ITGB5: variants seen among roughly 807,000 people sequenced by gnomAD.
ITGB5 encodes integrin subunit beta 5, also known as integrin beta-5.
A neutral mutation model predicts 84.8 loss-of-function variants in ITGB5; 38 were observed. The ratio of observed to expected loss-of-function variants is 0.45; its 90% confidence interval spans 0.35 to 0.59. The LOEUF is 0.59. Among genes scored for constraint, ITGB5 ranks in the 20% least tolerant of loss-of-function variants. The pLI is 0.01. For missense variants in ITGB5, 905 were observed against 1,034.5 expected (o/e 0.87, Z 1.72); for synonymous variants, 393 against 414.4 (o/e 0.95, Z 0.63).
intron 6 of ITGB5, 83 bp from the exon 7 acceptor site, chr3:124,819,917 C>A (rs12490538): frequency 0.18 from 181,600 of 983,166 alleles, 17,929 homozygotes; most frequent in Admixed American, 0.3. Flanking sequence ...CAGTCAGCAG[C>A]CAGCATTTGC....
chr3:124,773,400 A>C (rs530897639), intron 11 of ITGB5, among the ~76,000 whole-genome samples: 7 of 152,334 alleles, frequency 4.6e-5, no homozygotes, highest in African/African-American at 1.4e-4. Flanking sequence ...ACACCAATTT[A>C]ATTTCATTTA....
chr3:124,900,280 C>T (rs898106213), intron 1 of ITGB5, among the ~76,000 whole-genome samples: 1 of 152,104 alleles, frequency 6.6e-6, no homozygotes, highest in Admixed American at 6.5e-5. Context: ...CCTCTATTTC[C>T]CCTACTATTG....
At chr3:124,850,047 C>T (rs750413211) in intron 3 of ITGB5, among the ~76,000 whole-genome samples, 9 of 152,118 alleles carry the variant, frequency 5.9e-5, no homozygotes, top group Admixed American at 2.0e-4. Flanking sequence ...AGCGGGTCTA[C>T]ACCTGACTTG....
intron 1 of ITGB5, among the ~76,000 whole-genome samples, chr3:124,883,039 C>A (rs554306899): frequency 6.6e-6 from 1 of 152,172 alleles, no homozygotes; most frequent in Admixed American, 6.5e-5. Context: ...AAACAAACCA[C>A]GGCAGTCAGT....
chr3:124,841,234 G>A, intron 5 of ITGB5, 149 bp downstream of exon 5: 1 of 687,120 alleles, frequency 1.5e-6, no homozygotes, highest in Non-Finnish European at 2.4e-6. Flanking sequence ...AGATTTCCCA[G>A]AAGTTCCACT....
chr3:124,895,508 G>T (rs902196876), intron 1 of ITGB5, among the ~76,000 whole-genome samples: 1 of 152,226 alleles, frequency 6.6e-6, no homozygotes, highest in Non-Finnish European at 1.5e-5. Context: ...TTACAGGCAT[G>T]AACCATCATG....
At chr3:124,840,825 G>A (rs1212590804) in intron 5 of ITGB5, among the ~76,000 whole-genome samples, 2 of 151,988 alleles carry the variant, frequency 1.3e-5, no homozygotes, top group South Asian at 2.1e-4. Flanking sequence ...CACCATGCCC[G>A]GCTAATTTTT....
chr3:124,861,231 G>A (rs1349810231), intron 2 of ITGB5, among the ~76,000 whole-genome samples: 3 of 151,582 alleles, frequency 2.0e-5, no homozygotes, highest in African/African-American at 4.9e-5. Flanking sequence ...TTAAATCCCC[G>A]AGGATCTTGC....
chr3:124,777,012 G>C (rs1399240826), intron 10 of ITGB5, among the ~76,000 whole-genome samples: 2 of 152,338 alleles, frequency 1.3e-5, no homozygotes, highest in East Asian at 3.9e-4. Flanking sequence ...CTGGGGGGCA[G>C]GGAAGCCTAG....
chr3:124,847,705 G>A (rs2065096484), intron 4 of ITGB5, among the ~76,000 whole-genome samples: 2 of 152,108 alleles, frequency 1.3e-5, no homozygotes, highest in African/African-American at 2.4e-5. Context: ...TTGAGGAGCA[G>A]GAAATAAACT....
intron 1 of ITGB5, among the ~76,000 whole-genome samples, chr3:124,886,382 C>G (rs1315828397): frequency 6.6e-6 from 1 of 152,094 alleles, no homozygotes. Flanking sequence ...CAAAGGCAGG[C>G]GGCTAGCCTA....
At chr3:124,846,513 C>A (rs562147249) in intron 4 of ITGB5, among the ~76,000 whole-genome samples, 4 of 151,946 alleles carry the variant, frequency 2.6e-5, no homozygotes, top group African/African-American at 9.6e-5. Flanking sequence ...GCATAACCTA[C>A]CATGATCCTC....
intron 10 of ITGB5, among the ~76,000 whole-genome samples, chr3:124,787,018 C>G (rs1487320139): frequency 2.6e-5 from 4 of 152,140 alleles, no homozygotes; most frequent in Non-Finnish European, 5.9e-5. Flanking sequence ...ACACCTCAAG[C>G]CTACATGACT....
intron 2 of ITGB5, among the ~76,000 whole-genome samples, chr3:124,860,113 G>C (rs143238259): frequency 1.3e-5 from 2 of 152,172 alleles, no homozygotes; most frequent in African/African-American, 2.4e-5. Flanking sequence ...CACTGACCCA[G>C]TGCTCTACTC....
intron 9 of ITGB5, among the ~76,000 whole-genome samples, chr3:124,802,528 C>T (rs377435312): frequency 6.6e-6 from 1 of 152,238 alleles, no homozygotes; most frequent in South Asian, 2.1e-4. Context: ...CTCAACTCCC[C>T]GTGCCAGGGC....
chr3:124,814,527 A>G (rs1354077532), intron 8 of ITGB5, among the ~76,000 whole-genome samples: 1 of 150,504 alleles, frequency 6.6e-6, no homozygotes, highest in Non-Finnish European at 1.5e-5. Flanking sequence ...CCCAGGCTAG[A>G]GCACAGTGAT....
At chr3:124,800,254 T>A (rs1449203094) in intron 9 of ITGB5, among the ~76,000 whole-genome samples, 1 of 152,176 alleles carries the variant, frequency 6.6e-6, no homozygotes, top group Non-Finnish European at 1.5e-5. Context: ...TACAGAGGAA[T>A]GACCTGGACC....
chr3:124,900,058 A>C (rs1245537640), intron 1 of ITGB5, among the ~76,000 whole-genome samples: 1 of 151,928 alleles, frequency 6.6e-6, no homozygotes, highest in Admixed American at 6.6e-5. Context: ...TTCATCCACC[A>C]CTCTATTTGC....
At position 124,806,424 on chromosome 3, in the gene ITGB5, ATTTTTTTTTTT is replaced by A. The variant is rs71145488; in HGVS notation, c.1263+2587_1263+2597del. ...TTTTTTGGTATTTCTGCCTCATTCC[ATTTTTTTTTTT>A]TTTTTTTTTTTTTTTTGAGACTGAG... On this transcript the variant is annotated intron_variant, in intron 9 of 14. Transcript: ENST00000296181. Among the ~76,000 whole-genome samples the A allele has an allele frequency of 9.6e-5, 7 of 72,792 alleles. No homozygotes were observed. The South Asian group carries it at 2.7e-3, about 28-fold the overall frequency. 47.8% of individuals were successfully genotyped at this position (72,792 alleles called of 152,430 possible).
Sources: gnomAD v4.1 joint callset for allele counts (sites outside exome capture counted in the v4.1 genomes callset) on GRCh38, gnomAD v4.1.1 for gene constraint, MANE v1.5 for transcripts, NCBI Gene and HGNC (gene_info 2026-07-23, HGNC 2026-07-21) for gene names.